SS18: variants seen among roughly 807,000 people sequenced by gnomAD.
The protein encoded by SS18 is SS18 subunit of BAF chromatin remodeling complex, also known as protein SSXT.
A neutral mutation model predicts 72.5 loss-of-function variants in SS18; 28 were observed. That is an observed-to-expected ratio of 0.39 (90% confidence interval 0.29 to 0.53). The LOEUF is 0.53. Ranked by LOEUF, SS18 falls within the 20% of genes least tolerant of loss-of-function variation. The probability of loss-of-function intolerance (pLI) is 0.76; values close to 1 mark genes in which losing one functional copy is unlikely to be tolerated. For synonymous variants in SS18, 172 were observed against 164.2 expected (o/e 1.05, Z -0.37); for missense variants, 518 against 535.3 (o/e 0.97, Z 0.32).
At chr18:26,036,237 T>C (rs563775801) in intron 7 of SS18, among the ~76,000 whole-genome samples, 2 of 152,258 alleles carry the variant, frequency 1.3e-5, no homozygotes, top group Non-Finnish European at 2.9e-5. Flanking sequence ...GTCTTTCACA[T>C]GTAAATAACC....
chr18:26,021,315 T>C (rs1000985167), intron 10 of SS18, among the ~76,000 whole-genome samples: 27 of 152,222 alleles, frequency 1.8e-4, no homozygotes, highest in African/African-American at 5.6e-4. Context: ...ATAATCTCTA[T>C]TTTAAAAAGT....
chr18:26,020,433 T>C (rs548695934), intron 10 of SS18, among the ~76,000 whole-genome samples: 3 of 152,340 alleles, frequency 2.0e-5, no homozygotes, highest in African/African-American at 7.2e-5. Flanking sequence ...GAGATGCTAA[T>C]GATGAAAGTG....
intron 10 of SS18, among the ~76,000 whole-genome samples, chr18:26,018,641 G>A (rs1465313214): frequency 6.6e-6 from 1 of 152,182 alleles, no homozygotes; most frequent in African/African-American, 2.4e-5. Context: ...GTCAGAGTGG[G>A]AACTTAAATG....
chr18:26,029,629 T>C (rs11875305), intron 10 of SS18, among the ~76,000 whole-genome samples: 29,077 of 152,118 alleles, frequency 0.19, 5,696 homozygotes, highest in African/African-American at 0.49. Context: ...CACTGTTTAC[T>C]GGATAGCAAG....
At chr18:26,057,025 T>G (rs540301710) in intron 4 of SS18, among the ~76,000 whole-genome samples, 2 of 152,354 alleles carry the variant, frequency 1.3e-5, no homozygotes, top group East Asian at 3.9e-4. Flanking sequence ...GTTTACATTA[T>G]TTTTCAGCCT....
intron 7 of SS18, among the ~76,000 whole-genome samples, chr18:26,037,361 ACAAT>A (rs2053643501): frequency 6.6e-6 from 1 of 152,070 alleles, no homozygotes; most frequent in Non-Finnish European, 1.5e-5. Flanking sequence ...AAAAATAGAA[ACAAT>A]CATTTATTTT....
At chr18:26,055,410 T>A (rs889256370) in intron 4 of SS18, among the ~76,000 whole-genome samples, 5 of 151,840 alleles carry the variant, frequency 3.3e-5, no homozygotes, top group African/African-American at 1.2e-4. Context: ...GAGGTTGCAG[T>A]GAGCCGAGAT....
intron 10 of SS18, among the ~76,000 whole-genome samples, chr18:26,022,185 G>A (rs1488398050): frequency 6.6e-6 from 1 of 151,974 alleles, no homozygotes; most frequent in African/African-American, 2.4e-5. Context: ...GAAAGTAGTG[G>A]CCTTATTTAC....
At chr18:26,076,423 C>A (rs1598605906) in intron 3 of SS18, among the ~76,000 whole-genome samples, 1 of 151,822 alleles carries the variant, frequency 6.6e-6, no homozygotes, top group Middle Eastern at 3.4e-3. Context: ...CTTGTTTTTC[C>A]AAGAAATAAT....
chr18:26,063,479 T>C (rs1209415920), intron 3 of SS18, among the ~76,000 whole-genome samples: 2 of 152,120 alleles, frequency 1.3e-5, no homozygotes, highest in Non-Finnish European at 1.5e-5. Flanking sequence ...ACCATGCCAC[T>C]GCACTTCAGC....
Position 26,038,745 on chromosome 18 carries a change from T to G in SS18, c.776-86A>C, listed in dbSNP as rs1010160553. On this transcript the variant is annotated intron_variant, in intron 6 of 10. Transcript: ENST00000415083. The stretch of plus-strand genomic sequence containing the variant: ...CTTTCTAATTTGATATTATGAAAGA[T>G]TATTTCTCAACTATAGATTCCCATC... The G allele has an allele frequency of 4.7e-5, 59 of 1,248,920 alleles. No individual in the cohort carries two copies. In the Middle Eastern group the frequency reaches 1.7e-3, roughly 37 times the overall value. 77.4% of individuals were successfully genotyped at this position (1,248,920 alleles called of 1,614,324 possible). A position where few individuals can be genotyped will look rare whatever the true frequency, so the allele number is the denominator to read the frequency against.
At position 26,035,207 on chromosome 18, in the gene SS18, A is replaced by T. The variant is rs572494526; in HGVS notation, c.974-80T>A. 155 of 1,455,424 alleles carry T rather than the reference A, an allele frequency of 1.1e-4. 1 individual carries two copies. The South Asian group carries it at 1.8e-3, about 17-fold the overall frequency. The allele number at this position is 1,455,424 out of a possible 1,614,324, so 90.2% of individuals were successfully genotyped here. A position where few individuals can be genotyped will look rare whatever the true frequency, so the allele number is the denominator to read the frequency against. On this transcript the variant is annotated intron_variant, in intron 8 of 10. Coordinates refer to ENST00000415083, the MANE Select transcript of SS18 (RefSeq NM_001007559.3). The surrounding 1 kb of genome is among the most constrained non-coding windows in gnomAD (Gnocchi z 4.4). Reference sequence around the variant, plus strand: ...TTTTTCCCTCTAAGATGCATAGCCAACAACACAAGAACAAAATGAAATGCC... The same window carrying T: ...TTTTTCCCTCTAAGATGCATAGCCATCAACACAAGAACAAAATGAAATGCC...
At chr18:26,053,991 CCA>C (rs1352261117) in intron 4 of SS18, among the ~76,000 whole-genome samples, 1 of 152,056 alleles carries the variant, frequency 6.6e-6, no homozygotes, top group Non-Finnish European at 1.5e-5. Flanking sequence ...CCAGAACCAC[CCA>C]CAGATTTCAA....
chr18:26,020,652 C>T (rs2053333447), intron 10 of SS18, among the ~76,000 whole-genome samples: 1 of 152,112 alleles, frequency 6.6e-6, no homozygotes, highest in South Asian at 2.1e-4. Flanking sequence ...AGAGAAGACT[C>T]AGAAATTAAG....
chr18:26,069,215 C>A (rs552742753), intron 3 of SS18, among the ~76,000 whole-genome samples: 10 of 152,154 alleles, frequency 6.6e-5, no homozygotes, highest in African/African-American at 2.4e-4. Flanking sequence ...TCACTGAGTA[C>A]CTTTACATGT....
At chr18:26,070,272 T>C (rs924371206) in intron 3 of SS18, among the ~76,000 whole-genome samples, 1 of 152,090 alleles carries the variant, frequency 6.6e-6, no homozygotes, top group Non-Finnish European at 1.5e-5. Context: ...TTTACCAAGA[T>C]AGGGCCCTAT....
At chr18:26,046,191 C>CA (rs760639087) in intron 5 of SS18, among the ~76,000 whole-genome samples, 637 of 44,064 alleles carry the variant, frequency 0.014, 4 homozygotes, top group Middle Eastern at 0.074. Flanking sequence ...GACTCCGTCT[C>CA]AAAAAAAAAA....
chr18:26,022,346 CAAAAT>C (rs1400678764), intron 10 of SS18, among the ~76,000 whole-genome samples: 1 of 150,226 alleles, frequency 6.7e-6, no homozygotes, highest in Non-Finnish European at 1.5e-5. Flanking sequence ...TAAACAGTAA[CAAAAT>C]AATCTGTCAA....
At chr18:26,087,741 A>T (rs540696957) in intron 1 of SS18, among the ~76,000 whole-genome samples, 164 bp from the exon 2 acceptor site, 1 of 152,336 alleles carries the variant, frequency 6.6e-6, no homozygotes, top group South Asian at 2.1e-4. Flanking sequence ...CATTACTATC[A>T]TAAATCATTA....
Sources: gnomAD v4.1 joint callset for allele counts (sites outside exome capture counted in the v4.1 genomes callset) on GRCh38, gnomAD v4.1.1 for gene constraint, Gnocchi (gnomAD v3.1) non-coding constraint, MANE v1.5 for transcripts, NCBI Gene and HGNC (gene_info 2026-07-23, HGNC 2026-07-21) for gene names.